Variants in SNW1 observed in about 807,000 individuals in gnomAD.
SNW1 encodes the protein SNW domain-containing protein 1.
A neutral mutation model predicts 75.6 loss-of-function variants in SNW1; 9 were observed. That is an observed-to-expected ratio of 0.12 (90% CI 0.07 to 0.21). SNW1 has a LOEUF of 0.21. Ranked by LOEUF, SNW1 falls within the 10% of genes least tolerant of loss-of-function variation. The pLI is 1.00. For missense variants in SNW1, 409 were observed against 670.9 expected, an observed-to-expected ratio of 0.61 and a Z score of 4.31; for synonymous variants, 200 against 219.1, an observed-to-expected ratio of 0.91 and a Z score of 0.77.
intron 3 of SNW1, among the ~76,000 whole-genome samples, chr14:77,747,066 G>A (rs1042102377): frequency 5.3e-5 from 8 of 152,206 alleles, no homozygotes; most frequent in East Asian, 1.9e-4. Flanking sequence ...GCAGGTGCGC[G>A]CCGCCACGCC....
rs76524091 is a variant in SNW1 at position 77,736,585 on chromosome 14, A to C, written c.638+386T>G. On this transcript the variant is annotated intron_variant, in intron 6 of 13. Coordinates refer to ENST00000261531, the MANE Select transcript of SNW1 (RefSeq NM_012245.3). ...ACAAAAACAAAAACAAAAACAAAAAAAGGCAGCTTTATTGAGATAATTGAC... is the reference window on the plus strand; with the variant it reads ...ACAAAAACAAAAACAAAAACAAAAACAGGCAGCTTTATTGAGATAATTGAC... Among the ~76,000 whole-genome samples the C allele has an allele frequency of 3.7e-3, 492 of 134,624 alleles. 1 individual carries two copies. Among genetic ancestry groups the C allele is most frequent in the Middle Eastern group, 0.028 (7 of 254 alleles). The allele number at this position is 134,624 out of a possible 152,430, so 88.3% of individuals were successfully genotyped here.
chr14:77,720,968 T>C, intron 11 of SNW1, 140 bp from the exon 12 acceptor site: 4 of 665,216 alleles, frequency 6.0e-6, no homozygotes, highest in Non-Finnish European at 1.1e-5. Flanking sequence ...TCCTTGATGA[T>C]ACATAATCAA....
Position 77,754,597 on chromosome 14 carries a change from C to T in SNW1, c.168+370G>A, listed in dbSNP as rs145199520. On this transcript the variant is annotated intron_variant, in intron 2 of 13. Transcript: ENST00000261531. ...TCTCTTCAGGGTTATGTGGTATTATCGGAGGGGAGGAGGAGGAGGAGGAGC... is the reference window on the plus strand; with the variant it reads ...TCTCTTCAGGGTTATGTGGTATTATTGGAGGGGAGGAGGAGGAGGAGGAGC... Among the ~76,000 whole-genome samples, 1,326 of 152,118 alleles carry T rather than the reference C, an allele frequency of 8.7e-3. 17 individuals are homozygous for T. The highest frequency in any genetic ancestry group is 0.031 in the African/African-American group (1,275 of 41,478).
At chr14:77,743,161 G>A (rs1031389760) in intron 3 of SNW1, among the ~76,000 whole-genome samples, 4 of 151,536 alleles carry the variant, frequency 2.6e-5, no homozygotes, top group Non-Finnish European at 4.4e-5. Context: ...GGAGGCAGAG[G>A]TTGCGGTGAG....
chr14:77,721,088 T>C (rs1024690361), intron 11 of SNW1: 7 of 432,488 alleles, frequency 1.6e-5, no homozygotes, highest in Admixed American at 4.1e-5. Context: ...AATTCTTTAA[T>C]ATAAGCAATC....
intron 3 of SNW1, among the ~76,000 whole-genome samples, chr14:77,750,522 G>A (rs1037240713): frequency 6.6e-6 from 1 of 152,230 alleles, no homozygotes; most frequent in Admixed American, 6.5e-5. Flanking sequence ...AGGATGGGTT[G>A]TTAGTGCTAT....
intron 12 of SNW1, 107 bp from the exon 13 acceptor site, chr14:77,718,637 C>A: frequency 4.5e-6 from 3 of 660,284 alleles, no homozygotes; most frequent in South Asian, 2.7e-5. Flanking sequence ...CTCACATTTT[C>A]AACAATCTGA....
intron 1 of SNW1, chr14:77,760,858 C>G: frequency 2.5e-6 from 2 of 790,066 alleles, no homozygotes; most frequent in Non-Finnish European, 4.3e-6. Flanking sequence ...GAAAAACCCA[C>G]TCTTCAGTGT....
chr14:77,720,147 C>T lies in SNW1; in HGVS notation c.1248+564G>A, dbSNP rs954415983. 3.3e-5 allele frequency among the ~76,000 whole-genome samples: 5 copies of T among 152,178 alleles called. No homozygotes were observed. In the South Asian group the frequency reaches 1.0e-3, roughly 32 times the overall value. The stretch of plus-strand genomic sequence containing the variant: ...CAACAACAAAAAAACCCAAGAGGCA[C>T]TTTTGTAGGACACTGACTCTTTTAT... On this transcript the variant is annotated intron_variant, in intron 12 of 13. Coordinates refer to ENST00000261531, the MANE Select transcript of SNW1 (RefSeq NM_012245.3).
intron 1 of SNW1, chr14:77,760,506 G>A: frequency 3.3e-6 from 2 of 609,444 alleles, no homozygotes; most frequent in Non-Finnish European, 5.9e-6. Context: ...TAAGGTAACC[G>A]GAAACAGCAA....
In SNW1 at chr14:77,721,873, G is replaced by A. The variant is rs983278457; in HGVS notation, c.1131-1045C>T. On this transcript the variant is annotated intron_variant, in intron 11 of 13. Coordinates refer to ENST00000261531, the MANE Select transcript of SNW1 (RefSeq NM_012245.3). ...AGTGATTCTCCCACTTCGGCCTCTC[G>A]AGTAGCTGGGACTACCGGCATGTGC... 6.6e-5 allele frequency among the ~76,000 whole-genome samples: 10 copies of A among 152,182 alleles called. 1 individual carries two copies. Among genetic ancestry groups the A allele is most frequent in the Non-Finnish European group, 1.3e-4 (9 of 68,012 alleles).
intron 6 of SNW1, among the ~76,000 whole-genome samples, chr14:77,736,751 T>G (rs1462612285): frequency 6.6e-6 from 1 of 152,088 alleles, no homozygotes; most frequent in Non-Finnish European, 1.5e-5. Flanking sequence ...TGCCTATTCC[T>G]CTTGTCCCTC....
chr14:77,751,454 T>C lies in SNW1; in HGVS notation c.195A>G (p.Pro65=). Residue 65 remains proline (P), a synonymous_variant, in exon 3 of 14, where the codon CCA becomes CCG. Transcript: ENST00000261531. ...LEDFGDGGAF[P]EIHVAQYPLD... ...GTGGATACTGGGCCACATGGATCTC[T>C]GGAAAAGCACCTCCATCTCCAAAAT... 6.2e-7 allele frequency: 1 copy of C among 1,609,592 alleles called. No homozygotes were observed. The highest frequency in any genetic ancestry group is 8.5e-7 in the Non-Finnish European group (1 of 1,178,650).
chr14:77,752,030 T>TG (rs2080813279), intron 2 of SNW1, among the ~76,000 whole-genome samples: 1 of 152,150 alleles, frequency 6.6e-6, no homozygotes, highest in Admixed American at 6.6e-5. Context: ...CAAAGGGACT[T>TG]ACATGCTACA....
Position 77,718,540 on chromosome 14 carries a change from A to C in SNW1, c.1249-10T>G, listed in dbSNP as rs767751964. The stretch of plus-strand genomic sequence containing the variant: ...ATCCACTGTCCATACCCTGTGGAAA[A>C]ATGGATGACATTAAATAAAAGTGTA... On this transcript the variant is annotated splice_polypyrimidine_tract_variant and intron_variant, in intron 12 of 13. Coordinates refer to ENST00000261531, the MANE Select transcript of SNW1 (RefSeq NM_012245.3). 2.0e-6 allele frequency: 3 copies of C among 1,513,936 alleles called. No homozygotes were observed. Among genetic ancestry groups the C allele is most frequent in the Non-Finnish European group, 2.7e-6 (3 of 1,106,696 alleles). The allele number at this position is 1,513,936 out of a possible 1,614,324, so 93.8% of individuals were successfully genotyped here. A position where few individuals can be genotyped will look rare whatever the true frequency, so the allele number is the denominator to read the frequency against.
intron 3 of SNW1, among the ~76,000 whole-genome samples, chr14:77,747,198 C>A (rs915668464): frequency 6.6e-6 from 1 of 152,322 alleles, no homozygotes; most frequent in Non-Finnish European, 1.5e-5. Context: ...GGATTGCAGA[C>A]GGAGTCTCAC....
intron 10 of SNW1, among the ~76,000 whole-genome samples, 193 bp from the exon 11 acceptor site, chr14:77,723,470 C>T (rs775002626): frequency 1.3e-5 from 2 of 152,180 alleles, no homozygotes; most frequent in Non-Finnish European, 2.9e-5. Context: ...CTGCCTCATC[C>T]TCCCGAGTAC....
chr14:77,724,607 G>C (rs1238813553), intron 10 of SNW1, among the ~76,000 whole-genome samples: 1 of 152,162 alleles, frequency 6.6e-6, no homozygotes, highest in Non-Finnish European at 1.5e-5. Context: ...GGAAGATTCA[G>C]TATTCGTTTT....
At chr14:77,759,341 T>C (rs1441185263) in intron 1 of SNW1, among the ~76,000 whole-genome samples, 1 of 151,364 alleles carries the variant, frequency 6.6e-6, no homozygotes, top group Non-Finnish European at 1.5e-5. Flanking sequence ...CAAAACCCCA[T>C]CTCTACTAAA....
Sources: gnomAD v4.1 joint callset for allele counts (sites outside exome capture counted in the v4.1 genomes callset) on GRCh38, gnomAD v4.1.1 for gene constraint, MANE v1.5 for transcripts, NCBI Gene and HGNC (gene_info 2026-07-23, HGNC 2026-07-21) for gene names.